Variants in ZNF804B observed in about 807,000 individuals in gnomAD.
ZNF804B encodes the protein zinc finger protein 804B.
ZNF804B carries 80 observed loss-of-function variants against 101.4 expected under a neutral mutation model. The ratio of observed to expected loss-of-function variants is 0.79; its 90% confidence interval spans 0.66 to 0.95. ZNF804B has a LOEUF of 0.95. Among genes scored for constraint, ZNF804B ranks in the 40% least tolerant of loss-of-function variants. The pLI, the probability that ZNF804B is intolerant of heterozygous loss-of-function variation, is 0.00. For synonymous variants in ZNF804B, 622 were observed against 558.8 expected, an observed-to-expected ratio of 1.11 and a Z score of -1.59; for missense variants, 1,673 against 1,561.9, an observed-to-expected ratio of 1.07 and a Z score of -1.20.
chr7:88,800,765 T>C (rs992444585), intron 1 of ZNF804B, among the ~76,000 whole-genome samples: 2 of 150,952 alleles, frequency 1.3e-5, no homozygotes, highest in Non-Finnish European at 3.0e-5. Context: ...GGGCATATGT[T>C]AAAGATAGGA....
At chr7:89,118,121 C>A (rs182039776) in intron 1 of ZNF804B, among the ~76,000 whole-genome samples, 5 of 152,250 alleles carry the variant, frequency 3.3e-5, no homozygotes, top group Admixed American at 1.3e-4. Flanking sequence ...TGAAAACTAA[C>A]TGACTTTTTT....
Position 89,137,142 on chromosome 7 carries a change from G to A in ZNF804B, c.109-81013G>A, listed in dbSNP as rs917670306. Among the ~76,000 whole-genome samples, 7 of 151,992 alleles carry A rather than the reference G, an allele frequency of 4.6e-5. No homozygotes were observed. In the East Asian group the frequency reaches 1.2e-3, roughly 25 times the overall value. On this transcript the variant is annotated intron_variant, in intron 1 of 3. Coordinates refer to ENST00000333190, the MANE Select transcript of ZNF804B (RefSeq NM_181646.5). ...ACAATAAATTGGTACCAGTAGAGTG[G>A]GGTGTTGTTGAAAAGATACACAAAA...
intron 3 of ZNF804B, among the ~76,000 whole-genome samples, chr7:89,328,766 C>T (rs902295564): frequency 1.3e-5 from 2 of 151,866 alleles, no homozygotes; most frequent in Admixed American, 6.6e-5. Flanking sequence ...CATAGATATA[C>T]GTCTTTAGAC....
intron 2 of ZNF804B, among the ~76,000 whole-genome samples, chr7:89,298,230 A>G (rs1187031660): frequency 2.0e-5 from 2 of 99,818 alleles, no homozygotes; most frequent in African/African-American, 4.4e-5. Flanking sequence ...ATATATATAT[A>G]TATATATATA....
chr7:88,966,533 A>G (rs1290865633), intron 1 of ZNF804B, among the ~76,000 whole-genome samples: 1 of 151,550 alleles, frequency 6.6e-6, no homozygotes, highest in African/African-American at 2.4e-5. Context: ...TAGAAGAGTG[A>G]CGGCTCAGCC....
chr7:88,988,371 G>C (rs1488740219), intron 1 of ZNF804B, among the ~76,000 whole-genome samples: 2 of 152,076 alleles, frequency 1.3e-5, no homozygotes, highest in Non-Finnish European at 2.9e-5. Flanking sequence ...CATCTGACTT[G>C]TTTGTCAGCA....
chr7:89,086,003 A>G (rs1052968384), intron 1 of ZNF804B, among the ~76,000 whole-genome samples: 6 of 151,880 alleles, frequency 4.0e-5, no homozygotes, highest in African/African-American at 7.2e-5. Context: ...AGTATTTTGC[A>G]TTTTCTACAT....
chr7:89,224,028 T>C (rs1390746206), intron 2 of ZNF804B, among the ~76,000 whole-genome samples: 1 of 151,996 alleles, frequency 6.6e-6, no homozygotes, highest in Non-Finnish European at 1.5e-5. Flanking sequence ...TCATAATCCC[T>C]TTCTCAAGAT....
At chr7:88,841,519 A>C (rs900557339) in intron 1 of ZNF804B, among the ~76,000 whole-genome samples, 1 of 152,176 alleles carries the variant, frequency 6.6e-6, no homozygotes, top group African/African-American at 2.4e-5. Context: ...CTGGGAGAAG[A>C]CAATGGAAAT....
At chr7:89,097,259 A>G (rs1789983645) in intron 1 of ZNF804B, among the ~76,000 whole-genome samples, 1 of 152,160 alleles carries the variant, frequency 6.6e-6, no homozygotes, top group African/African-American at 2.4e-5. Context: ...TTGCTGGCTC[A>G]TTTCACAGGA....
rs372790530 is a variant in ZNF804B, at chr7:89,335,903, G to C, written c.2921G>C (p.Arg974Thr). Residue 974 changes from arginine (R) to threonine (T), a missense_variant, in exon 4 of 4, where the codon AGA becomes ACA. By Grantham distance (71) the Arg-to-Thr change is moderately conservative. Coordinates refer to ENST00000333190, the MANE Select transcript of ZNF804B (RefSeq NM_181646.5). ...CAACTTGCACCATCAGGCTGTAACA[G>C]ACAAGCATTGCCTTTGTCTGAAAAA... is the stretch of plus-strand genomic sequence containing the variant. The part of the protein sequence containing the change: ...TIQLAPSGCN[R>T]QALPLSEKIQ... 44 of 1,614,096 alleles carry C rather than the reference G, an allele frequency of 2.7e-5. No individual in the cohort carries two copies. Among genetic ancestry groups the C allele is most frequent in the Middle Eastern group, 3.3e-4 (2 of 6,060 alleles).
chr7:89,194,086 T>C (rs1788505302), intron 1 of ZNF804B, among the ~76,000 whole-genome samples: 1 of 152,072 alleles, frequency 6.6e-6, no homozygotes, highest in Admixed American at 6.6e-5. Flanking sequence ...TTTTTTCATA[T>C]GTTTTTTGGC....
chr7:89,323,486 A>G lies in ZNF804B; in HGVS notation c.250-3858A>G, dbSNP rs146515076. On this transcript the variant is annotated intron_variant, in intron 2 of 3. Transcript: ENST00000333190. ...TAACACAATAAAATGCATAGAAGTT[A>G]TTCACTACATAAAGGGAAATTAATA... Among the ~76,000 whole-genome samples, 254 of 152,304 alleles carry G rather than the reference A, an allele frequency of 1.7e-3. 2 individuals are homozygous for G. The highest frequency in any genetic ancestry group is 5.7e-3 in the African/African-American group (236 of 41,566).
At chr7:88,910,814 G>A (rs561393484) in intron 1 of ZNF804B, among the ~76,000 whole-genome samples, 45 of 151,902 alleles carry the variant, frequency 3.0e-4, no homozygotes, top group Non-Finnish European at 5.7e-4. Context: ...TGAGAGCCAT[G>A]TCTCTACATC....
intron 1 of ZNF804B, among the ~76,000 whole-genome samples, chr7:88,824,625 A>T (rs1368315181): frequency 6.6e-6 from 1 of 152,134 alleles, no homozygotes; most frequent in Non-Finnish European, 1.5e-5. Flanking sequence ...CCACTTCTTG[A>T]CCTGTTCCTG....
chr7:88,969,350 A>G (rs748711834), intron 1 of ZNF804B, among the ~76,000 whole-genome samples: 1 of 151,596 alleles, frequency 6.6e-6, no homozygotes, highest in Non-Finnish European at 1.5e-5. Context: ...TGCCTTGTAT[A>G]AGAAATTGAT....
Position 89,333,420 on chromosome 7 carries a change from C to G in ZNF804B, c.438C>G (p.Leu146=), listed in dbSNP as rs770858340. The G allele has an allele frequency of 2.5e-6, 4 of 1,612,588 alleles. No homozygotes were observed. The highest frequency in any genetic ancestry group is 3.3e-5 in the Admixed American group (2 of 59,760). Residue 146 remains leucine, a synonymous_variant, in exon 4 of 4, where the codon CTC becomes CTG. Coordinates refer to ENST00000333190, the MANE Select transcript of ZNF804B (RefSeq NM_181646.5). ...CCAGGGTAGCCATAGAAAAGCAACTCCAGCAAGGAATTTTCCCCATTAAGA... is the reference window on the plus strand; with the variant it reads ...CCAGGGTAGCCATAGAAAAGCAACTGCAGCAAGGAATTTTCCCCATTAAGA... The part of the protein sequence containing the change: ...KAPRVAIEKQ[L]QQGIFPIKNG...
chr7:89,027,801 T>C (rs1017175418), intron 1 of ZNF804B, among the ~76,000 whole-genome samples: 2 of 152,170 alleles, frequency 1.3e-5, no homozygotes, highest in Non-Finnish European at 2.9e-5. Flanking sequence ...TTTGGTCTCA[T>C]CCCTGAACTG....
chr7:89,062,105 C>G (rs1387659910), intron 1 of ZNF804B, among the ~76,000 whole-genome samples: 2 of 152,066 alleles, frequency 1.3e-5, no homozygotes, highest in Non-Finnish European at 2.9e-5. Context: ...ACCACTACTT[C>G]CAGAAAGAAG....
Sources: gnomAD v4.1 joint callset for allele counts (sites outside exome capture counted in the v4.1 genomes callset) on GRCh38, gnomAD v4.1.1 for gene constraint, MANE v1.5 for transcripts, NCBI Gene and HGNC (gene_info 2026-07-23, HGNC 2026-07-21) for gene names.